Variants in COL14A1 observed in about 807,000 individuals in gnomAD.
The protein encoded by COL14A1 is collagen type XIV alpha 1 chain.
COL14A1 carries 136 observed loss-of-function variants against 230.3 expected under a neutral mutation model. That is an observed-to-expected ratio of 0.59 (90% CI 0.51 to 0.68). COL14A1 has a LOEUF of 0.68. COL14A1 is among the 30% of genes least tolerant of loss of function. COL14A1 has a pLI of 0.00. For synonymous variants in COL14A1, 792 were observed against 784.1 expected, an observed-to-expected ratio of 1.01 and a Z score of -0.17; for missense variants, 1,976 against 2,215.8, an observed-to-expected ratio of 0.89 and a Z score of 2.17.
At chr8:120,146,854 G>A (rs1264484163) in intron 1 of COL14A1, among the ~76,000 whole-genome samples, 1 of 151,962 alleles carries the variant, frequency 6.6e-6, no homozygotes, top group African/African-American at 2.4e-5. Context: ...AATATGCCCT[G>A]GGTAGAAGAA....
chr8:120,271,922 G>A (rs1407834460), intron 26 of COL14A1, among the ~76,000 whole-genome samples: 1 of 151,490 alleles, frequency 6.6e-6, no homozygotes, highest in South Asian at 2.1e-4. Context: ...GAATAAGAGT[G>A]CAAGCAGATA....
At chr8:120,178,538 C>T (rs944836880) in intron 5 of COL14A1, among the ~76,000 whole-genome samples, 8 of 152,070 alleles carry the variant, frequency 5.3e-5, no homozygotes, top group African/African-American at 9.7e-5. Context: ...AATAAACATA[C>T]GTGTGCATGT....
chr8:120,246,699 G>A (rs893683749), intron 20 of COL14A1, among the ~76,000 whole-genome samples: 2 of 152,224 alleles, frequency 1.3e-5, no homozygotes, highest in Middle Eastern at 3.4e-3. Context: ...AGTGTTAGTG[G>A]ATGATCTAAG....
In COL14A1 at chr8:120,225,136, C is replaced by G. The variant is rs1818055044; in HGVS notation, c.1786C>G (p.Leu596Val). Residue 596 changes from leucine to valine, a missense_variant, in exon 15 of 48, where the codon CTC becomes GTC. Transcript: ENST00000297848. The part of the protein sequence containing the change: ...TTFPLKGLTP[L>V]TEYTIAIFSI... ...CTTCCCTCTGAAGGGCTTGACACCT[C>G]TCACAGAGTATACTATTGCTATTTT... is the stretch of plus-strand genomic sequence containing the variant. The G allele has an allele frequency of 1.2e-6, 2 of 1,612,858 alleles. No individual in the cohort carries two copies. Among genetic ancestry groups the G allele is most frequent in the Non-Finnish European group, 1.7e-6 (2 of 1,179,638 alleles).
chr8:120,191,271 C>A (rs1290058553), intron 5 of COL14A1, among the ~76,000 whole-genome samples: 5 of 150,108 alleles, frequency 3.3e-5, no homozygotes, highest in African/African-American at 1.2e-4. Flanking sequence ...TTTCAAAGAA[C>A]ATCTTTATTT....
At position 120,225,269 on chromosome 8, in the gene COL14A1, A is replaced by G. The variant is rs1056980909; in HGVS notation, c.1864+55A>G. 3.3e-6 allele frequency: 5 copies of G among 1,513,680 alleles called. No individual in the cohort carries two copies. In the Admixed American group the frequency reaches 1.0e-4, roughly 31 times the overall value. The allele number at this position is 1,513,680 out of a possible 1,614,324, so 93.8% of individuals were successfully genotyped here. On this transcript the variant is annotated intron_variant, in intron 15 of 47. Coordinates refer to ENST00000297848, the MANE Select transcript of COL14A1 (RefSeq NM_021110.4). Reference sequence around the variant, plus strand: ...TTTGAGAGTAGCTATTAATATATAGAAACCAGAACCTGGAGCACCTTCTTT... The same window carrying G: ...TTTGAGAGTAGCTATTAATATATAGGAACCAGAACCTGGAGCACCTTCTTT...
intron 8 of COL14A1, among the ~76,000 whole-genome samples, chr8:120,203,116 T>G (rs1817309287): frequency 6.6e-6 from 1 of 151,310 alleles, no homozygotes; most frequent in Admixed American, 6.6e-5. Flanking sequence ...TAATTACTAT[T>G]GCTTCTGCAA....
chr8:120,225,266 T>C (rs772395240), intron 15 of COL14A1, 52 bp downstream of exon 15: 46 of 1,544,188 alleles, frequency 3.0e-5, no homozygotes, highest in Non-Finnish European at 3.6e-5. Flanking sequence ...TATTAATATA[T>C]AGAAACCAGA....
intron 45 of COL14A1, among the ~76,000 whole-genome samples, chr8:120,350,207 T>G (rs1257899632): frequency 2.6e-5 from 4 of 151,694 alleles, no homozygotes; most frequent in African/African-American, 7.3e-5. Flanking sequence ...GTCACCACCA[T>G]GCCTGCCCTA....
chr8:120,328,064 A>T (rs546752391), intron 40 of COL14A1, among the ~76,000 whole-genome samples: 2 of 152,208 alleles, frequency 1.3e-5, no homozygotes, highest in South Asian at 4.1e-4. Flanking sequence ...GCACCTGGCC[A>T]TGTGCAGTAC....
At position 120,206,999 on chromosome 8, in the gene COL14A1, G is replaced by A; in HGVS notation, c.1096G>A (p.Ala366Thr). The A allele has an allele frequency of 1.2e-5, 19 of 1,613,824 alleles. No homozygotes were observed. The highest frequency in any genetic ancestry group is 1.6e-5 in the Non-Finnish European group (19 of 1,179,854). The change falls in exon 10 of 48, where the codon GCC (alanine) becomes ACC (threonine). Residue 366 changes from alanine (A) to threonine (T), a missense_variant. Coordinates refer to ENST00000297848, the MANE Select transcript of COL14A1 (RefSeq NM_021110.4). ...PTELITSEVT[A>T]RSFMVNWTHA... ...GGAGTTGATTACTTCTGAAGTCACT[G>A]CCAGAAGCTTTATGGTTAACTGGAC...
chr8:120,175,178 T>C (rs577127271), intron 5 of COL14A1, among the ~76,000 whole-genome samples: 2 of 152,372 alleles, frequency 1.3e-5, no homozygotes, highest in African/African-American at 4.8e-5. Flanking sequence ...TCCAATCTAC[T>C]GTACATGTTT....
intron 21 of COL14A1, among the ~76,000 whole-genome samples, chr8:120,249,815 C>T (rs1386137943): frequency 1.1e-4 from 16 of 152,174 alleles, no homozygotes; most frequent in African/African-American, 3.1e-4. Flanking sequence ...TTGCATTGTA[C>T]GTGTGGGGCA....
chr8:120,339,280 C>T (rs73706442), intron 42 of COL14A1, among the ~76,000 whole-genome samples: 2,310 of 152,234 alleles, frequency 0.015, 53 homozygotes, highest in African/African-American at 0.051. Context: ...CGTGAGCCAC[C>T]GCGCCCTGCC....
chr8:120,133,980 AG>A (rs1291782078), intron 1 of COL14A1, among the ~76,000 whole-genome samples: 1 of 152,080 alleles, frequency 6.6e-6, no homozygotes, highest in Non-Finnish European at 1.5e-5. Context: ...CTTGTTTAAA[AG>A]TGATTAAGAA....
intron 6 of COL14A1, among the ~76,000 whole-genome samples, chr8:120,197,316 A>G (rs1817071599): frequency 1.3e-5 from 2 of 152,174 alleles, no homozygotes; most frequent in Admixed American, 1.3e-4. Flanking sequence ...GTACAAGATA[A>G]CCTTTGCCAA....
At chr8:120,192,581 G>A (rs1816865702) in intron 5 of COL14A1, among the ~76,000 whole-genome samples, 2 of 152,238 alleles carry the variant, frequency 1.3e-5, no homozygotes, top group Non-Finnish European at 1.5e-5. Context: ...TCCTGAATCT[G>A]AATGTTGGCC....
At chr8:120,218,260 C>A (rs1817825870) in intron 14 of COL14A1, among the ~76,000 whole-genome samples, 1 of 135,506 alleles carries the variant, frequency 7.4e-6, no homozygotes, top group African/African-American at 2.8e-5. Flanking sequence ...AAGTATATGT[C>A]TATATATATA....
At chr8:120,273,997 T>C (rs983075477) in intron 26 of COL14A1, among the ~76,000 whole-genome samples, 1 of 151,752 alleles carries the variant, frequency 6.6e-6, no homozygotes, top group African/African-American at 2.4e-5. Context: ...CAGTATTACC[T>C]GATACAAAAA....
Sources: allele counts gnomAD v4.1 joint callset (sites outside exome capture counted in the v4.1 genomes callset), GRCh38; gene constraint gnomAD v4.1.1; transcripts MANE v1.5; gene names NCBI Gene and HGNC (gene_info 2026-07-23, HGNC 2026-07-21).